RPH3A: variants seen among roughly 807,000 people sequenced by gnomAD.
RPH3A encodes rabphilin 3A.
Under a neutral mutation model 102.2 loss-of-function variants are expected in RPH3A, and 48 were observed. That is an observed-to-expected ratio of 0.47 (90% CI 0.37 to 0.60). The LOEUF (loss-of-function observed/expected upper bound fraction) is 0.60, where lower values mean the gene tolerates loss of function less well. Ranked by LOEUF, RPH3A falls within the 20% of genes least tolerant of loss-of-function variation. The pLI, the probability that RPH3A is intolerant of heterozygous loss-of-function variation, is 0.00. For missense variants in RPH3A, 781 were observed against 910.1 expected, an observed-to-expected ratio of 0.86 and a Z score of 1.83; for synonymous variants, 310 against 324.3, an observed-to-expected ratio of 0.96 and a Z score of 0.47.
At chr12:112,716,708 C>A (rs2040515312) in intron 1 of RPH3A, among the ~76,000 whole-genome samples, 1 of 152,202 alleles carries the variant, frequency 6.6e-6, no homozygotes. Flanking sequence ...GGCTAGGCAG[C>A]CATGTTTCCA....
intron 10 of RPH3A, among the ~76,000 whole-genome samples, chr12:112,870,721 C>T (rs112345806): frequency 0.019 from 2,868 of 152,270 alleles, 112 homozygotes; most frequent in African/African-American, 0.065. Flanking sequence ...GCCTTCTCTT[C>T]CTGAATTGTG....
At chr12:112,858,289 A>AG (rs1555217157) in intron 5 of RPH3A, among the ~76,000 whole-genome samples, 53 of 147,426 alleles carry the variant, frequency 3.6e-4, no homozygotes, top group African/African-American at 1.2e-3. Context: ...AAAAAAAAAA[A>AG]AAAAAGAAAA....
At chr12:112,584,394 G>C (rs1486818107) in intron 1 of RPH3A, among the ~76,000 whole-genome samples, 1 of 152,140 alleles carries the variant, frequency 6.6e-6, no homozygotes, top group Non-Finnish European at 1.5e-5. Context: ...CAGGGCCCCG[G>C]AAGTTGCTGA....
At chr12:112,575,566 G>GC (rs199634406) in intron 1 of RPH3A, among the ~76,000 whole-genome samples, 4 of 152,052 alleles carry the variant, frequency 2.6e-5, no homozygotes, top group African/African-American at 9.7e-5. Flanking sequence ...GTCCGGCAAG[G>GC]CCCCCCAAAG....
At chr12:112,635,984 T>C (rs919339342) in intron 1 of RPH3A, among the ~76,000 whole-genome samples, 1 of 152,018 alleles carries the variant, frequency 6.6e-6, no homozygotes, top group African/African-American at 2.4e-5. Context: ...TAGAACACTG[T>C]AGGTAATATG....
At chr12:112,801,171 G>A (rs2041343091) in intron 2 of RPH3A, among the ~76,000 whole-genome samples, 1 of 152,174 alleles carries the variant, frequency 6.6e-6, no homozygotes, top group Non-Finnish European at 1.5e-5. Context: ...GGTGTCTGCA[G>A]CTTCCTCTCT....
chr12:112,810,345 C>T (rs2041548937), intron 2 of RPH3A, among the ~76,000 whole-genome samples: 1 of 152,212 alleles, frequency 6.6e-6, no homozygotes, highest in South Asian at 2.1e-4. Flanking sequence ...AACTACCCCT[C>T]ACTCACCCTT....
chr12:112,724,562 C>T (rs937019689), intron 1 of RPH3A, among the ~76,000 whole-genome samples: 24 of 152,150 alleles, frequency 1.6e-4, no homozygotes, highest in African/African-American at 5.8e-4. Context: ...ACAGGCTCAG[C>T]GATATCAAAT....
At chr12:112,812,981 TA>T (rs1345229010) in intron 2 of RPH3A, among the ~76,000 whole-genome samples, 1 of 152,264 alleles carries the variant, frequency 6.6e-6, no homozygotes, top group African/African-American at 2.4e-5. Context: ...CCTCTTTATT[TA>T]ACCATGTGCC....
At chr12:112,650,382 G>T (rs1048155740) in intron 1 of RPH3A, among the ~76,000 whole-genome samples, 3 of 152,114 alleles carry the variant, frequency 2.0e-5, no homozygotes, top group East Asian at 1.9e-4. Context: ...GAGAAGACAG[G>T]CTTGATCATT....
At chr12:112,776,331 A>C (rs2040965001) in intron 1 of RPH3A, among the ~76,000 whole-genome samples, 1 of 152,182 alleles carries the variant, frequency 6.6e-6, no homozygotes. Flanking sequence ...TTATAACAAT[A>C]AACACGCTCT....
In RPH3A at chr12:112,896,826, C is replaced by A. The variant is rs377081104; in HGVS notation, c.*46C>A. 1 of 1,608,234 alleles carries A rather than the reference C, an allele frequency of 6.2e-7. No homozygotes were observed. ...CTCCATGTCCCGGGTCCCCCCCAGC[C>A]TGCTCTAGCTGCCCACCGCACCCTG... On this transcript the variant is annotated 3_prime_UTR_variant, in exon 22 of 22. Transcript: ENST00000389385.
chr12:112,873,577 T>C (rs952847786), intron 10 of RPH3A, among the ~76,000 whole-genome samples: 12 of 152,220 alleles, frequency 7.9e-5, no homozygotes, highest in Non-Finnish European at 1.5e-4. Flanking sequence ...TGGAGCGGCT[T>C]ATTCTATTGT....
chr12:112,716,403 TGAGTTA>T (rs1169565627), intron 1 of RPH3A, among the ~76,000 whole-genome samples: 1 of 152,214 alleles, frequency 6.6e-6, no homozygotes, highest in Non-Finnish European at 1.5e-5. Context: ...TCCATTTGTA[TGAGTTA>T]GAGTCCTGGT....
chr12:112,748,246 C>T (rs769550237), intron 1 of RPH3A, among the ~76,000 whole-genome samples: 10 of 152,148 alleles, frequency 6.6e-5, no homozygotes, highest in East Asian at 1.9e-4. Context: ...ATTATAGATC[C>T]GTAGTTCCCA....
intron 1 of RPH3A, among the ~76,000 whole-genome samples, chr12:112,657,742 A>G (rs1176825466): frequency 6.6e-6 from 1 of 152,224 alleles, no homozygotes; most frequent in Non-Finnish European, 1.5e-5. Context: ...AATAAATAAT[A>G]CAGAGGCTTT....
chr12:112,584,441 A>T (rs573866311), intron 1 of RPH3A, among the ~76,000 whole-genome samples: 1 of 152,108 alleles, frequency 6.6e-6, no homozygotes, highest in South Asian at 2.1e-4. Context: ...ACACCTCCCT[A>T]CGCAATCTAG....
chr12:112,861,944 C>T (rs1028670367), intron 5 of RPH3A, among the ~76,000 whole-genome samples: 23 of 131,000 alleles, frequency 1.8e-4, no homozygotes, highest in African/African-American at 5.5e-4. Flanking sequence ...ACCTGGGAGG[C>T]GGAGTTTGCA....
chr12:112,801,246 T>C (rs1267384656), intron 2 of RPH3A, among the ~76,000 whole-genome samples: 7 of 152,238 alleles, frequency 4.6e-5, no homozygotes. Flanking sequence ...CCAGCCGGAC[T>C]GGGCTTGCAC....
Sources: gnomAD v4.1 joint callset for allele counts (sites outside exome capture counted in the v4.1 genomes callset) on GRCh38, gnomAD v4.1.1 for gene constraint, MANE v1.5 for transcripts, NCBI Gene and HGNC (gene_info 2026-07-23, HGNC 2026-07-21) for gene names.